Variants in TASOR observed in about 807,000 individuals in gnomAD.
TASOR encodes the protein transcription activation suppressor.
Under a neutral mutation model 178.6 loss-of-function variants are expected in TASOR, and 53 were observed. The ratio of observed to expected loss-of-function variants is 0.30; its 90% CI spans 0.24 to 0.37. The LOEUF is 0.37. Among genes scored for constraint, TASOR ranks in the 10% least tolerant of loss-of-function variants. TASOR has a pLI of 1.00. For synonymous variants in TASOR, 713 were observed against 696.2 expected, an observed-to-expected ratio of 1.02 and a Z score of -0.38; for missense variants, 1,815 against 1,971.4, an observed-to-expected ratio of 0.92 and a Z score of 1.50.
intron 11 of TASOR, among the ~76,000 whole-genome samples, chr3:56,659,646 C>T (rs777598210): frequency 3.9e-5 from 6 of 152,148 alleles, no homozygotes; most frequent in Non-Finnish European, 8.8e-5. Flanking sequence ...GAGTAACTAA[C>T]GTAATTATTC....
intron 11 of TASOR, among the ~76,000 whole-genome samples, chr3:56,651,138 C>T (rs1412152516): frequency 1.3e-5 from 2 of 152,028 alleles, no homozygotes; most frequent in African/African-American, 2.4e-5. Context: ...AGAAACAACA[C>T]TAAGGCTGAC....
chr3:56,623,950 TG>T, intron 23 of TASOR: 1 of 818,016 alleles, frequency 1.2e-6, no homozygotes, highest in South Asian at 2.0e-5. Context: ...ACTAAATGAA[TG>T]ATCATTTCTG....
chr3:56,672,888 G>A (rs898314775), intron 2 of TASOR, among the ~76,000 whole-genome samples: 4 of 152,176 alleles, frequency 2.6e-5, no homozygotes, highest in African/African-American at 7.2e-5. Context: ...GTGCAGTGGC[G>A]CGATCTCAGC....
Position 56,680,608 on chromosome 3 carries a change from C to A in TASOR, c.331+2068G>T, listed in dbSNP as rs555026497. On this transcript the variant is annotated intron_variant, in intron 1 of 23. Coordinates refer to ENST00000683822, the MANE Select transcript of TASOR (RefSeq NM_001365635.2). Reference sequence around the variant, plus strand: ...TAAAGTTGAATTTATGTATTAAATTCTATCAGCAACCACTAACTTCTCTCA... The same window carrying A: ...TAAAGTTGAATTTATGTATTAAATTATATCAGCAACCACTAACTTCTCTCA... Among the ~76,000 whole-genome samples, 303 of 152,170 alleles carry A rather than the reference C, an allele frequency of 2.0e-3. 12 individuals are homozygous for A. The South Asian group carries it at 0.058, about 29-fold the overall frequency.
intron 1 of TASOR, among the ~76,000 whole-genome samples, chr3:56,679,031 T>C (rs1329190516): frequency 7.0e-6 from 1 of 143,606 alleles, no homozygotes; most frequent in Admixed American, 6.9e-5. Flanking sequence ...AAAAAAGACA[T>C]ACAAATGGGT....
At position 56,682,734 on chromosome 3, in the gene TASOR, C is replaced by G; in HGVS notation, c.273G>C (p.Glu91Asp). ...GAAALPRGPE[E>D]PERPVRRSFQ... ...AACTCCTCCTAACAGGCCTTTCGGG[C>G]TCTTCGGGGCCTCTGGGCAGGGCGG... Residue 91 changes from glutamate (E) to aspartate (D), a missense_variant, in exon 1 of 24, where the codon GAG (glutamate) becomes GAC (aspartate). Physicochemically the swap from Glu to Asp is conservative, Grantham distance 45. Coordinates refer to ENST00000683822, the MANE Select transcript of TASOR (RefSeq NM_001365635.2). 2 of 1,511,184 alleles carry G rather than the reference C, an allele frequency of 1.3e-6. No individual in the cohort carries two copies. The highest frequency in any genetic ancestry group is 3.5e-4 in the Middle Eastern group (2 of 5,784). 93.6% of individuals were successfully genotyped at this position (1,511,184 alleles called of 1,614,324 possible).
Position 56,673,612 on chromosome 3 carries a change from A to G in TASOR, c.445T>C (p.Cys149Arg), listed in dbSNP as rs921343648. 2 of 1,550,908 alleles carry G rather than the reference A, an allele frequency of 1.3e-6. No individual in the cohort carries two copies. The highest frequency in any genetic ancestry group is 1.4e-5 in the African/African-American group (1 of 73,020). Residue 149 changes from cysteine (C) to arginine (R), a missense_variant, in exon 2 of 24, where the codon TGC becomes CGC. By Grantham distance (180) the Cys-to-Arg change is radical. Around this residue, in one of 5 missense-constraint regions of TASOR, gnomAD observed 244 missense variants for 202.7 expected, o/e 1.20. Transcript: ENST00000683822. ...SVTNFNYRRA[C>R]LVHNELLEKE... ...TCCAAAAGCTCATTGTGTACCAAGC[A>G]AGCACGTCTGTAGTTAAAATTTGTT... is the stretch of plus-strand genomic sequence containing the variant.
At chr3:56,642,784 C>G (rs1215503489) in intron 14 of TASOR, among the ~76,000 whole-genome samples, 2 of 152,040 alleles carry the variant, frequency 1.3e-5, no homozygotes, top group Non-Finnish European at 2.9e-5. Flanking sequence ...ACCATCCTGG[C>G]TAACAAGGTG....
chr3:56,630,409 TA>T (rs2076884222), intron 18 of TASOR, among the ~76,000 whole-genome samples: 2 of 152,224 alleles, frequency 1.3e-5, no homozygotes, highest in South Asian at 4.1e-4. Flanking sequence ...TTAAAAGAAT[TA>T]AAGTTTCAAT....
chr3:56,653,336 T>G (rs1324281611), intron 11 of TASOR, among the ~76,000 whole-genome samples: 1 of 93,948 alleles, frequency 1.1e-5, no homozygotes, highest in Admixed American at 1.1e-4. Context: ...ATAAAAGAGA[T>G]AACTAATTTT....
chr3:56,682,551 GA>G, intron 1 of TASOR, 124 bp downstream of exon 1: 1 of 906,740 alleles, frequency 1.1e-6, no homozygotes, highest in Non-Finnish European at 1.5e-6. Context: ...GGTGAGGGGA[GA>G]GGCGGCCGGC....
chr3:56,652,784 CAT>C (rs2077379779), intron 11 of TASOR, among the ~76,000 whole-genome samples: 1 of 152,068 alleles, frequency 6.6e-6, no homozygotes, highest in South Asian at 2.1e-4. Flanking sequence ...AAATAAAAAA[CAT>C]TCCCTGTGAA....
rs759338765 is a variant in TASOR at position 56,628,451 on chromosome 3, GT to G, written c.3870+40del. 5.1e-6 allele frequency: 8 copies of G among 1,560,684 alleles called. No homozygotes were observed. In the African/African-American group the frequency reaches 8.3e-5, roughly 16 times the overall value. ...GACAGTAAGATTTTAAAATAAGGGA[GT>G]TTTTAAAACCAAAGTAGTGAATTTG... On this transcript the variant is annotated intron_variant, in intron 19 of 23. Coordinates refer to ENST00000683822, the MANE Select transcript of TASOR (RefSeq NM_001365635.2).
chr3:56,660,628 G>C (rs916882874), intron 11 of TASOR, 103 bp downstream of exon 11: 1 of 797,318 alleles, frequency 1.3e-6, no homozygotes, highest in East Asian at 2.6e-5. Flanking sequence ...GACACCTCAT[G>C]GTACTTTCAG....
intron 11 of TASOR, among the ~76,000 whole-genome samples, chr3:56,650,469 G>C (rs2077328028): frequency 6.6e-6 from 1 of 152,148 alleles, no homozygotes; most frequent in Non-Finnish European, 1.5e-5. Flanking sequence ...AAGCAGGCTG[G>C]TGGTATGGGA....
chr3:56,682,654 TGAG>T lies in TASOR; in HGVS notation c.331+19_331+21del, dbSNP rs745559285. 21 of 1,444,172 alleles carry T rather than the reference TGAG, an allele frequency of 1.5e-5. No homozygotes were observed. The African/African-American group carries it at 2.9e-4, about 20-fold the overall frequency. The allele number at this position is 1,444,172 out of a possible 1,614,324, so 89.5% of individuals were successfully genotyped here. A position where few individuals can be genotyped will look rare whatever the true frequency, so the allele number is the denominator to read the frequency against. On this transcript the variant is annotated intron_variant, in intron 1 of 23. Coordinates refer to ENST00000683822, the MANE Select transcript of TASOR (RefSeq NM_001365635.2). ...GATGGAGGGGAGAGAGAGAGGGGGT[TGAG>T]AAGAAGGGGAGGCACCACCTTTCTT...
chr3:56,682,278 G>A (rs1391009204), intron 1 of TASOR, among the ~76,000 whole-genome samples: 1 of 152,172 alleles, frequency 6.6e-6, no homozygotes, highest in Non-Finnish European at 1.5e-5. Context: ...CAATGGCCTT[G>A]GAGAAAGCCC....
rs2077252400 is a variant in TASOR, at chr3:56,647,128, G to C, written c.1609C>G (p.Gln537Glu). 6.2e-7 allele frequency: 1 copy of C among 1,605,100 alleles called. No homozygotes were observed. ...ATATTTTTGAATTCCTTTCGACACT[G>C]AATCAAAGAAAATTGTAAAAACTGA... ...IAQFLQFSLI[Q>E]CRKEFKNISA... The change falls in exon 14 of 24, where the codon CAG (glutamine) becomes GAG (glutamate). Residue 537 changes from glutamine to glutamate, a missense_variant. Coordinates refer to ENST00000683822, the MANE Select transcript of TASOR (RefSeq NM_001365635.2).
intron 1 of TASOR, among the ~76,000 whole-genome samples, chr3:56,679,214 C>CT (rs1559858249): frequency 6.6e-6 from 1 of 152,186 alleles, no homozygotes; most frequent in African/African-American, 2.4e-5. Context: ...ACAGTAAGAT[C>CT]TTTTTTTAAA....
Sources: gnomAD v4.1 joint callset for allele counts (sites outside exome capture counted in the v4.1 genomes callset) on GRCh38, gnomAD v4.1.1 for gene constraint, gnomAD v4.1.1 regional missense constraint, MANE v1.5 for transcripts, NCBI Gene and HGNC (gene_info 2026-07-23, HGNC 2026-07-21) for gene names.